CNNM2: variants seen among roughly 807,000 people sequenced by gnomAD.
The protein encoded by CNNM2 is metal transporter CNNM2.
CNNM2 carries 12 observed loss-of-function variants against 66.9 expected under a neutral mutation model. That is an observed-to-expected ratio of 0.18 (90% CI 0.11 to 0.29). The LOEUF (loss-of-function observed/expected upper bound fraction) is 0.29, where lower values mean the gene tolerates loss of function less well. Ranked by LOEUF, CNNM2 falls within the 10% of genes least tolerant of loss-of-function variation. CNNM2 has a pLI of 1.00. For missense variants in CNNM2, 705 were observed against 1,167.7 expected (o/e 0.60, Z 5.77); for synonymous variants, 557 against 501.8 (o/e 1.11, Z -1.47).
At chr10:103,005,134 C>T (rs1483747126) in intron 1 of CNNM2, among the ~76,000 whole-genome samples, 1 of 151,576 alleles carries the variant, frequency 6.6e-6, no homozygotes, top group Non-Finnish European at 1.5e-5. Flanking sequence ...AGGCTGGTCT[C>T]GAACTCATGA....
intron 1 of CNNM2, among the ~76,000 whole-genome samples, chr10:102,959,768 AGTGGCTGGGTGTG>A (rs1219093698): frequency 1.3e-5 from 2 of 152,140 alleles, no homozygotes; most frequent in Non-Finnish European, 2.9e-5. Context: ...AAATGAGAAT[AGTGGCTGGGTGTG>A]GTGGCTCACA....
In CNNM2 at chr10:102,976,425, C is replaced by CTTTTTT. The variant is rs1206577839; in HGVS notation, c.1621+56345_1621+56350dup. On this transcript the variant is annotated intron_variant, in intron 1 of 7. Transcript: ENST00000369878. Reference sequence around the variant, plus strand: ...TTACAGTATCAGTTCCAATTCTTGCCTTTTTTTTTTTTTTTTTTTTTTTTT... The same window carrying CTTTTTT: ...TTACAGTATCAGTTCCAATTCTTGCCTTTTTTTTTTTTTTTTTTTTTTTTTTTTTTT... Among the ~76,000 whole-genome samples, 94 of 34,718 alleles carry CTTTTTT rather than the reference C, an allele frequency of 2.7e-3. 14 individuals carry two copies. Among genetic ancestry groups the CTTTTTT allele is most frequent in the Non-Finnish European group, 3.8e-3 (75 of 19,636 alleles). 22.8% of individuals were successfully genotyped at this position (34,718 alleles called of 152,430 possible).
At chr10:103,004,405 A>G (rs1460515771) in intron 1 of CNNM2, among the ~76,000 whole-genome samples, 1 of 152,214 alleles carries the variant, frequency 6.6e-6, no homozygotes, top group African/African-American at 2.4e-5. Flanking sequence ...ATATTCTCGA[A>G]CATGTCTTTT....
At chr10:103,013,966 T>C (rs2064393336) in intron 1 of CNNM2, among the ~76,000 whole-genome samples, 1 of 152,228 alleles carries the variant, frequency 6.6e-6, no homozygotes, top group South Asian at 2.1e-4. Flanking sequence ...AGAAATTCCC[T>C]TAAGACAATT....
chr10:103,028,848 A>T, intron 1 of CNNM2, among the ~76,000 whole-genome samples: 2 of 114,356 alleles, frequency 1.7e-5, no homozygotes, highest in Admixed American at 1.3e-4. Context: ...TTTTTGAGAC[A>T]GTCTCGCTGT....
chr10:102,924,287 T>G (rs1169601569), intron 1 of CNNM2, among the ~76,000 whole-genome samples: 1 of 152,224 alleles, frequency 6.6e-6, no homozygotes, highest in Non-Finnish European at 1.5e-5. Context: ...TTGTCTATGC[T>G]GAGGTGCATT....
At chr10:102,978,678 A>C (rs968399050) in intron 1 of CNNM2, among the ~76,000 whole-genome samples, 1 of 152,220 alleles carries the variant, frequency 6.6e-6, no homozygotes, top group Non-Finnish European at 1.5e-5. Context: ...TGCACATGTT[A>C]TGAGTTTGCA....
intron 1 of CNNM2, among the ~76,000 whole-genome samples, chr10:102,969,666 G>A (rs1309551722): frequency 2.6e-5 from 4 of 151,916 alleles, no homozygotes; most frequent in African/African-American, 4.8e-5. Flanking sequence ...TTCTTGAGGC[G>A]GAGTTTTGCT....
intron 1 of CNNM2, among the ~76,000 whole-genome samples, chr10:103,013,529 T>C (rs1198290968): frequency 6.6e-6 from 1 of 152,152 alleles, no homozygotes; most frequent in Admixed American, 6.6e-5. Flanking sequence ...GGCTGAGTGC[T>C]GGGTGCGCTC....
chr10:102,931,504 C>T (rs1299713883), intron 1 of CNNM2, among the ~76,000 whole-genome samples: 5 of 151,916 alleles, frequency 3.3e-5, no homozygotes, highest in South Asian at 2.1e-4. Flanking sequence ...ATTACAGGCA[C>T]GCACCACCAC....
At chr10:102,932,907 ACT>A (rs2077222161) in intron 1 of CNNM2, among the ~76,000 whole-genome samples, 1 of 137,310 alleles carries the variant, frequency 7.3e-6, no homozygotes, top group Non-Finnish European at 1.5e-5. Context: ...ACAGAGCAAG[ACT>A]CTGTCTCAAA....
At chr10:103,031,035 G>C (rs940722944) in intron 1 of CNNM2, among the ~76,000 whole-genome samples, 8 of 152,146 alleles carry the variant, frequency 5.3e-5, no homozygotes, top group Non-Finnish European at 1.0e-4. Context: ...GGAGTATGTA[G>C]ATTTTAGGGT....
chr10:103,022,839 C>T (rs1333610457), intron 1 of CNNM2, among the ~76,000 whole-genome samples: 1 of 152,054 alleles, frequency 6.6e-6, no homozygotes, highest in Non-Finnish European at 1.5e-5. Context: ...TGGTGAAAGG[C>T]AAAGGGGGAG....
rs150802530 is a variant in CNNM2 at position 103,059,516 on chromosome 10, C to T, written c.2073+2552C>T. 7.2e-4 allele frequency among the ~76,000 whole-genome samples: 109 copies of T among 152,228 alleles called. 1 individual carries two copies. The highest frequency in any genetic ancestry group is 2.6e-3 in the African/African-American group (106 of 41,528). On this transcript the variant is annotated intron_variant, in intron 4 of 7. Transcript: ENST00000369878. ...TATTTTGTAAGTTACCATGTACATA[C>T]CTCCCACTACATATGCATAAAAAAG...
At chr10:102,978,102 C>T (rs1040986370) in intron 1 of CNNM2, among the ~76,000 whole-genome samples, 25 of 151,636 alleles carry the variant, frequency 1.6e-4, no homozygotes, top group African/African-American at 4.8e-4. Flanking sequence ...GTAGAGACAG[C>T]GTTTCACCAT....
intron 1 of CNNM2, among the ~76,000 whole-genome samples, chr10:103,016,702 C>G (rs1161412215): frequency 6.6e-6 from 1 of 152,172 alleles, no homozygotes; most frequent in Non-Finnish European, 1.5e-5. Context: ...AGCCAGGCTT[C>G]GTTTGTAATC....
chr10:102,950,894 A>G (rs990117551), intron 1 of CNNM2, among the ~76,000 whole-genome samples: 2 of 151,420 alleles, frequency 1.3e-5, no homozygotes, highest in South Asian at 4.2e-4. Context: ...ACATATCTCT[A>G]TCTTTAAGTG....
At chr10:103,021,286 G>A (rs1405709166) in intron 1 of CNNM2, among the ~76,000 whole-genome samples, 1 of 152,138 alleles carries the variant, frequency 6.6e-6, no homozygotes, top group Non-Finnish European at 1.5e-5. Context: ...GGAAACCAAA[G>A]AGAGTAGAAT....
At chr10:102,966,066 A>ATG (rs780489728) in intron 1 of CNNM2, among the ~76,000 whole-genome samples, 4 of 152,142 alleles carry the variant, frequency 2.6e-5, no homozygotes, top group Non-Finnish European at 4.4e-5. Flanking sequence ...GTATTTCCTT[A>ATG]TGTCTGGTTA....
Sources: allele counts gnomAD v4.1 joint callset (sites outside exome capture counted in the v4.1 genomes callset), GRCh38; gene constraint gnomAD v4.1.1; transcripts MANE v1.5; gene names NCBI Gene and HGNC (gene_info 2026-07-23, HGNC 2026-07-21).